Variants in LRMDA observed in about 807,000 individuals in gnomAD.
LRMDA encodes the protein leucine rich melanocyte differentiation associated.
A neutral mutation model predicts 29.8 loss-of-function variants in LRMDA; 18 were observed. The observed-to-expected ratio is 0.60, with a 90% CI of 0.42 to 0.90. The LOEUF is 0.90. Among genes scored for constraint, LRMDA ranks in the 40% least tolerant of loss-of-function variants. LRMDA has a pLI of 0.00. For synonymous variants in LRMDA, 125 were observed against 109.4 expected (o/e 1.14, Z -0.89); for missense variants, 273 against 273.9 (o/e 1.00, Z 0.02).
intron 6 of LRMDA, among the ~76,000 whole-genome samples, chr10:76,514,496 G>A (rs1461215596): frequency 6.6e-6 from 1 of 152,184 alleles, no homozygotes; most frequent in African/African-American, 2.4e-5. Context: ...GAGGCTTTCT[G>A]GAGAGAGCAG....
At chr10:75,571,121 A>G (rs539479111) in intron 2 of LRMDA, among the ~76,000 whole-genome samples, 4 of 151,922 alleles carry the variant, frequency 2.6e-5, no homozygotes, top group African/African-American at 9.6e-5. Context: ...GGAGGTGTTC[A>G]GATCTGCCAT....
intron 6 of LRMDA, among the ~76,000 whole-genome samples, chr10:76,525,678 T>C (rs1320950636): frequency 6.6e-6 from 1 of 152,216 alleles, no homozygotes; most frequent in Non-Finnish European, 1.5e-5. Context: ...CAGTATGATT[T>C]CTAGTCACTG....
At chr10:76,268,849 G>A (rs10762707) in intron 5 of LRMDA, among the ~76,000 whole-genome samples, 1 of 151,350 alleles carries the variant, frequency 6.6e-6, no homozygotes, top group Non-Finnish European at 1.5e-5. Flanking sequence ...TATCTCTCCT[G>A]TGTTTTCTCT....
At chr10:76,195,554 C>T (rs759332195) in intron 5 of LRMDA, among the ~76,000 whole-genome samples, 8 of 152,144 alleles carry the variant, frequency 5.3e-5, no homozygotes, top group Admixed American at 6.5e-5. Flanking sequence ...CTTTCCAGGA[C>T]GTCTTACCTG....
intron 5 of LRMDA, among the ~76,000 whole-genome samples, chr10:76,148,615 G>A (rs1850378192): frequency 6.6e-6 from 1 of 152,144 alleles, no homozygotes; most frequent in Non-Finnish European, 1.5e-5. Flanking sequence ...CTAGGAAAGG[G>A]AATTCCCTGA....
At chr10:76,556,717 G>T (rs1468878832) in intron 6 of LRMDA, among the ~76,000 whole-genome samples, 1 of 152,148 alleles carries the variant, frequency 6.6e-6, no homozygotes, top group African/African-American at 2.4e-5. Context: ...CTCAATGCCT[G>T]GTGCCTGCCA....
chr10:75,863,985 G>A (rs1844978244), intron 2 of LRMDA, among the ~76,000 whole-genome samples: 1 of 152,088 alleles, frequency 6.6e-6, no homozygotes, highest in Admixed American at 6.5e-5. Context: ...TCTATCATGT[G>A]GGTTTAATGT....
chr10:75,883,649 A>T (rs1845331149), intron 2 of LRMDA: 1 of 152,076 alleles, frequency 6.6e-6, no homozygotes, highest in Admixed American at 6.6e-5. Context: ...GGTCTTCAAG[A>T]CATACTTTTG....
At chr10:75,759,267 C>T (rs1338276804) in intron 2 of LRMDA, among the ~76,000 whole-genome samples, 1 of 152,122 alleles carries the variant, frequency 6.6e-6, no homozygotes, top group Non-Finnish European at 1.5e-5. Flanking sequence ...TCTTGGAGTT[C>T]TATTATTTGT....
intron 2 of LRMDA, among the ~76,000 whole-genome samples, chr10:75,696,581 A>G: frequency 6.6e-6 from 1 of 152,252 alleles, no homozygotes; most frequent in East Asian, 1.9e-4. Flanking sequence ...ATGATTGGTG[A>G]TGACTGAAGA....
chr10:76,160,952 T>C (rs569056411), intron 5 of LRMDA, among the ~76,000 whole-genome samples: 1 of 152,054 alleles, frequency 6.6e-6, no homozygotes, highest in East Asian at 1.9e-4. Flanking sequence ...TGATTGAGAG[T>C]GTGGGGGCCT....
At chr10:75,485,084 C>T (rs1844895435) in intron 2 of LRMDA, among the ~76,000 whole-genome samples, 1 of 152,154 alleles carries the variant, frequency 6.6e-6, no homozygotes, top group Admixed American at 6.5e-5. Context: ...TGGGGCCAGG[C>T]ATTTGTTAGT....
intron 6 of LRMDA, among the ~76,000 whole-genome samples, chr10:76,463,916 A>AATTTTTTTTT (rs1475211927): frequency 3.0e-4 from 15 of 49,890 alleles, no homozygotes; most frequent in African/African-American, 9.2e-4. Flanking sequence ...GTGCAAAATA[A>AATTTTTTTTT]ATTTTTTTTT....
chr10:75,585,294 A>G (rs1840643414), intron 2 of LRMDA, among the ~76,000 whole-genome samples: 1 of 152,242 alleles, frequency 6.6e-6, no homozygotes, highest in Non-Finnish European at 1.5e-5. Context: ...TCAACACAAT[A>G]TCTGTTGGAT....
intron 2 of LRMDA, among the ~76,000 whole-genome samples, chr10:75,763,906 G>A (rs1256402758): frequency 6.6e-6 from 1 of 152,094 alleles, no homozygotes; most frequent in Non-Finnish European, 1.5e-5. Flanking sequence ...GAATGATGCA[G>A]GGGTGCAAAC....
chr10:75,963,554 A>C (rs944319929), intron 2 of LRMDA, among the ~76,000 whole-genome samples: 1 of 152,226 alleles, frequency 6.6e-6, no homozygotes, highest in Non-Finnish European at 1.5e-5. Flanking sequence ...TATGCAAAAG[A>C]AAGATTATTT....
intron 2 of LRMDA, among the ~76,000 whole-genome samples, chr10:75,938,210 G>A (rs1846328449): frequency 6.6e-6 from 1 of 152,186 alleles, no homozygotes; most frequent in Admixed American, 6.5e-5. Context: ...AGAAGAAGAT[G>A]CTACTGAGAA....
At chr10:75,989,157 G>A (rs1017277524) in intron 2 of LRMDA, among the ~76,000 whole-genome samples, 1 of 152,224 alleles carries the variant, frequency 6.6e-6, no homozygotes, top group Admixed American at 6.5e-5. Flanking sequence ...CTGACACACA[G>A]GGATGCTCAA....
intron 2 of LRMDA, among the ~76,000 whole-genome samples, chr10:75,758,246 T>C (rs1215548820): frequency 6.6e-6 from 1 of 152,226 alleles, no homozygotes; most frequent in Non-Finnish European, 1.5e-5. Context: ...CTGGGTGTGC[T>C]CCCGCCCTCT....
Sources: gnomAD v4.1 joint callset for allele counts (sites outside exome capture counted in the v4.1 genomes callset) on GRCh38, gnomAD v4.1.1 for gene constraint, MANE v1.5 for transcripts, NCBI Gene and HGNC (gene_info 2026-07-23, HGNC 2026-07-21) for gene names.